The following ZNF407 variants were observed in gnomAD, a reference collection of about 807,000 sequenced individuals.
ZNF407 encodes zinc finger protein 407.
ZNF407 carries 17 observed loss-of-function variants against 131.2 expected under a neutral mutation model. The observed-to-expected ratio is 0.13, with a 90% CI of 0.09 to 0.19. The LOEUF (loss-of-function observed/expected upper bound fraction) is 0.19, where lower values mean the gene tolerates loss of function less well. Among genes scored for constraint, ZNF407 ranks in the 10% least tolerant of loss-of-function variants. The probability of loss-of-function intolerance (pLI) is 1.00; values close to 1 mark genes in which losing one functional copy is unlikely to be tolerated. For synonymous variants in ZNF407, 1,156 were observed against 1,062.0 expected, an observed-to-expected ratio of 1.09 and a Z score of -1.72; for missense variants, 2,681 against 2,830.6, an observed-to-expected ratio of 0.95 and a Z score of 1.20.
At chr18:74,857,583 C>T (rs1292866664) in intron 4 of ZNF407, among the ~76,000 whole-genome samples, 1 of 151,950 alleles carries the variant, frequency 6.6e-6, no homozygotes. Context: ...AAAATCAGAT[C>T]ATTGTCAGTA....
chr18:74,970,150 A>G (rs1280395451), intron 8 of ZNF407, among the ~76,000 whole-genome samples: 3 of 151,588 alleles, frequency 2.0e-5, no homozygotes, highest in East Asian at 1.9e-4. Flanking sequence ...ACTGGCCCCC[A>G]TGATTCAATC....
intron 3 of ZNF407, among the ~76,000 whole-genome samples, chr18:74,665,188 C>G (rs1568154287): frequency 6.6e-6 from 1 of 152,172 alleles, no homozygotes; most frequent in Non-Finnish European, 1.5e-5. Context: ...AGCAGAAATA[C>G]TGATGTAAAG....
chr18:74,775,239 T>G (rs892233157), intron 3 of ZNF407, among the ~76,000 whole-genome samples: 1 of 152,224 alleles, frequency 6.6e-6, no homozygotes, highest in African/African-American at 2.4e-5. Context: ...TTACCTATTT[T>G]GTCCCATGTC....
intron 8 of ZNF407, among the ~76,000 whole-genome samples, chr18:74,982,159 A>G (rs1972600499): frequency 6.6e-6 from 1 of 152,254 alleles, no homozygotes; most frequent in Non-Finnish European, 1.5e-5. Flanking sequence ...CGGACTTTTT[A>G]GCATTCTCTA....
chr18:74,797,317 A>G (rs1023003159), intron 4 of ZNF407, among the ~76,000 whole-genome samples: 1 of 152,266 alleles, frequency 6.6e-6, no homozygotes, highest in African/African-American at 2.4e-5. Flanking sequence ...TGTCGTTAAA[A>G]TAACAGCTGT....
intron 3 of ZNF407, among the ~76,000 whole-genome samples, chr18:74,768,622 G>A (rs1969294551): frequency 6.6e-6 from 1 of 152,020 alleles, no homozygotes; most frequent in African/African-American, 2.4e-5. Context: ...AAATACCTAG[G>A]AATTTTACTC....
intron 3 of ZNF407, among the ~76,000 whole-genome samples, chr18:74,699,808 A>G (rs575152380): frequency 6.6e-6 from 1 of 152,364 alleles, no homozygotes; most frequent in Non-Finnish European, 1.5e-5. Context: ...TAATAGGTCC[A>G]GTAGTATGAC....
chr18:74,998,068 G>T (rs1162519771), intron 8 of ZNF407, among the ~76,000 whole-genome samples: 1 of 152,182 alleles, frequency 6.6e-6, no homozygotes, highest in Non-Finnish European at 1.5e-5. Flanking sequence ...CCTGGTGCCA[G>T]CTGCCAGTGG....
At chr18:74,679,574 C>T (rs539057) in intron 3 of ZNF407, among the ~76,000 whole-genome samples, 3,080 of 152,306 alleles carry the variant, frequency 0.02, 111 homozygotes, top group African/African-American at 0.071. Flanking sequence ...GACATAATCT[C>T]TTCTTCTGTA....
At chr18:74,876,377 G>A (rs994298376) in intron 4 of ZNF407, among the ~76,000 whole-genome samples, 2 of 152,102 alleles carry the variant, frequency 1.3e-5, no homozygotes, top group African/African-American at 4.8e-5. Context: ...AACTCATATT[G>A]GAAATGTAAA....
At chr18:75,056,596 T>A (rs1005877000) in intron 8 of ZNF407, among the ~76,000 whole-genome samples, 1 of 152,250 alleles carries the variant, frequency 6.6e-6, no homozygotes, top group African/African-American at 2.4e-5. Flanking sequence ...CCGTAATATG[T>A]ACCAGTGTTA....
Position 74,630,972 on chromosome 18 carries a change from G to A in ZNF407, c.-48G>A, listed in dbSNP as rs879106465. 2.6e-6 allele frequency: 4 copies of A among 1,537,868 alleles called. No homozygotes were observed. Among genetic ancestry groups the A allele is most frequent in the South Asian group, 2.6e-5 (2 of 77,690 alleles). On this transcript the variant is annotated 5_prime_UTR_variant, in exon 2 of 9. An upstream start codon of the reference 5' UTR is lost. Coordinates refer to ENST00000299687, the MANE Select transcript of ZNF407 (RefSeq NM_017757.3). ...CATGTTTGTTTACTTCACAGGTTAT[G>A]AGTGCCAGTGAGCCGCCTTAGATAG...
intron 4 of ZNF407, among the ~76,000 whole-genome samples, chr18:74,815,961 C>A: frequency 6.6e-6 from 1 of 152,156 alleles, no homozygotes; most frequent in East Asian, 1.9e-4. Context: ...CTGTGTTGTT[C>A]CAATCTCTAT....
intron 3 of ZNF407, among the ~76,000 whole-genome samples, chr18:74,763,962 C>T (rs2077944498): frequency 6.6e-6 from 1 of 151,906 alleles, no homozygotes; most frequent in Admixed American, 6.6e-5. Flanking sequence ...ATCCGCCCGC[C>T]TCGGCCTCCC....
chr18:74,897,230 C>T (rs1217425845), intron 7 of ZNF407, among the ~76,000 whole-genome samples: 1 of 152,118 alleles, frequency 6.6e-6, no homozygotes, highest in African/African-American at 2.4e-5. Flanking sequence ...AACTTGAAAA[C>T]AAATAGATTC....
At chr18:74,759,797 A>G (rs1405062500) in intron 3 of ZNF407, among the ~76,000 whole-genome samples, 2 of 141,800 alleles carry the variant, frequency 1.4e-5, no homozygotes, top group African/African-American at 5.2e-5. Context: ...GTTCTTACTT[A>G]TATTTTCCTT....
intron 8 of ZNF407, among the ~76,000 whole-genome samples, chr18:75,046,481 A>T (rs79719955): frequency 6.6e-6 from 1 of 152,218 alleles, no homozygotes; most frequent in East Asian, 1.9e-4. Context: ...CTTCACTTTT[A>T]CTGCCTTATA....
intron 8 of ZNF407, among the ~76,000 whole-genome samples, chr18:74,974,949 A>G (rs1406086145): frequency 6.6e-6 from 1 of 152,254 alleles, no homozygotes; most frequent in Admixed American, 6.5e-5. Context: ...GTGAAATCTT[A>G]GTTGATATCG....
At chr18:74,849,358 G>A (rs1599195441) in intron 4 of ZNF407, among the ~76,000 whole-genome samples, 1 of 152,132 alleles carries the variant, frequency 6.6e-6, no homozygotes, top group Admixed American at 6.6e-5. Flanking sequence ...GATTACAGTC[G>A]TGAGCTACTG....
Sources: allele counts gnomAD v4.1 joint callset (sites outside exome capture counted in the v4.1 genomes callset), GRCh38; gene constraint gnomAD v4.1.1; transcripts MANE v1.5; gene names NCBI Gene and HGNC (gene_info 2026-07-23, HGNC 2026-07-21).